FGD6: variants seen among roughly 807,000 people sequenced by gnomAD.
FGD6 encodes FYVE, RhoGEF and PH domain-containing protein 6.
Under a neutral mutation model 149.4 loss-of-function variants are expected in FGD6, and 90 were observed. The observed-to-expected ratio is 0.60, with a 90% CI of 0.51 to 0.72. The LOEUF is 0.72. Among genes scored for constraint, FGD6 ranks in the 30% least tolerant of loss-of-function variants. The probability of loss-of-function intolerance (pLI) is 0.00; values close to 1 mark genes in which losing one functional copy is unlikely to be tolerated. For missense variants in FGD6, 1,437 were observed against 1,684.8 expected, an observed-to-expected ratio of 0.85 and a Z score of 2.57; for synonymous variants, 527 against 584.0, an observed-to-expected ratio of 0.90 and a Z score of 1.41.
rs769541330 is a variant in FGD6 at position 95,108,429 on chromosome 12, G to C, written c.3193-10C>G. 8.7e-6 allele frequency: 14 copies of C among 1,613,898 alleles called. No individual in the cohort carries two copies. The highest frequency in any genetic ancestry group is 5.9e-6 in the Non-Finnish European group (7 of 1,179,982). On this transcript the variant is annotated splice_polypyrimidine_tract_variant and intron_variant, in intron 10 of 20. Transcript: ENST00000343958. ...GTTTCTGAAAGTTGTCCTACAGAAAGACAATGGAAAGCATATGAAGGCCTG... is the reference window on the plus strand; with the variant it reads ...GTTTCTGAAAGTTGTCCTACAGAAACACAATGGAAAGCATATGAAGGCCTG...
At chr12:95,105,875 T>C (rs1878602912) in intron 13 of FGD6, among the ~76,000 whole-genome samples, 1 of 151,924 alleles carries the variant, frequency 6.6e-6, no homozygotes, top group Non-Finnish European at 1.5e-5. Flanking sequence ...AATACAAAAA[T>C]TAGCTGAGCC....
At chr12:95,132,153 C>A (rs1056785029) in intron 8 of FGD6, among the ~76,000 whole-genome samples, 2 of 151,958 alleles carry the variant, frequency 1.3e-5, no homozygotes, top group Non-Finnish European at 2.9e-5. Context: ...AAACAAAATT[C>A]TTCTTCTTTT....
At chr12:95,201,712 T>C (rs1239807633) in intron 2 of FGD6, among the ~76,000 whole-genome samples, 1 of 152,158 alleles carries the variant, frequency 6.6e-6, no homozygotes, top group Non-Finnish European at 1.5e-5. Flanking sequence ...CTCTAGGACC[T>C]AGGTCAGAAA....
At chr12:95,184,262 T>C (rs1332636965) in intron 2 of FGD6, among the ~76,000 whole-genome samples, 2 of 152,164 alleles carry the variant, frequency 1.3e-5, no homozygotes, top group East Asian at 3.8e-4. Context: ...CAATCATATC[T>C]GGGATTTCCC....
chr12:95,111,615 C>G (rs74687215), intron 9 of FGD6, among the ~76,000 whole-genome samples: 5,053 of 152,208 alleles, frequency 0.033, 118 homozygotes, highest in Middle Eastern at 0.075. Flanking sequence ...CAAAGCTTCC[C>G]TGCCTCTTTA....
chr12:95,127,180 T>C (rs975450514), intron 8 of FGD6, among the ~76,000 whole-genome samples: 1 of 152,068 alleles, frequency 6.6e-6, no homozygotes, highest in African/African-American at 2.4e-5. Context: ...CTTTGATACA[T>C]ACAATTAACC....
At position 95,125,469 on chromosome 12, in the gene FGD6, C is replaced by CA. The variant is rs200005619; in HGVS notation, c.3082+9269dup. Reference sequence around the variant, plus strand: ...GCAACATAGTGAGATCCCATCTCTACAAAAAAAATAGAAAAAATTAGCCGG... The same window carrying CA: ...GCAACATAGTGAGATCCCATCTCTACAAAAAAAAATAGAAAAAATTAGCCGG... On this transcript the variant is annotated intron_variant, in intron 8 of 20. Transcript: ENST00000343958. 6.9e-4 allele frequency among the ~76,000 whole-genome samples: 105 copies of CA among 151,716 alleles called. 1 individual carries two copies. The highest frequency in any genetic ancestry group is 2.3e-3 in the African/African-American group (95 of 41,390).
At chr12:95,102,831 C>T (rs7298738) in intron 14 of FGD6, among the ~76,000 whole-genome samples, 111,363 of 152,098 alleles carry the variant, frequency 0.73, 40,971 homozygotes, top group African/African-American at 0.78. Context: ...CACAGCTCCA[C>T]TGCTTACTAC....
rs374098730 is a variant in FGD6, at chr12:95,185,902, G to A, written c.2442-13158C>T. Among the ~76,000 whole-genome samples, 4 of 152,024 alleles carry A rather than the reference G, an allele frequency of 2.6e-5. No homozygotes were observed. The East Asian group carries it at 7.7e-4, about 29-fold the overall frequency. On this transcript the variant is annotated intron_variant, in intron 2 of 20. Transcript: ENST00000343958. ...ATTGAGATAACATACCACCTGCAAT[G>A]AAGATTAAATGAGATAATGTGAATA...
At chr12:95,193,007 G>A (rs971716699) in intron 2 of FGD6, among the ~76,000 whole-genome samples, 3 of 151,612 alleles carry the variant, frequency 2.0e-5, no homozygotes, top group Admixed American at 6.6e-5. Flanking sequence ...ACTACCAAGT[G>A]CTGGTGAGGT....
intron 8 of FGD6, among the ~76,000 whole-genome samples, chr12:95,126,838 G>C (rs1203126686): frequency 6.6e-6 from 1 of 152,058 alleles, no homozygotes; most frequent in African/African-American, 2.4e-5. Context: ...TTTGGTGGGA[G>C]AATTGCTTGA....
intron 1 of FGD6, among the ~76,000 whole-genome samples, chr12:95,214,437 T>C (rs1681578697): frequency 6.6e-6 from 1 of 152,212 alleles, no homozygotes; most frequent in Non-Finnish European, 1.5e-5. Context: ...CATTATTTTT[T>C]TTTCATGGCT....
intron 5 of FGD6, among the ~76,000 whole-genome samples, chr12:95,149,690 A>C (rs1333124936): frequency 6.9e-6 from 1 of 145,046 alleles, no homozygotes; most frequent in Non-Finnish European, 1.5e-5. Context: ...CACCCTAACA[A>C]ATTTGTTGAG....
intron 20 of FGD6, among the ~76,000 whole-genome samples, chr12:95,083,026 T>C (rs1221845583): frequency 2.5e-5 from 2 of 78,844 alleles, no homozygotes; most frequent in South Asian, 4.4e-4. Flanking sequence ...TATATATATA[T>C]ATATACACAC....
intron 8 of FGD6, among the ~76,000 whole-genome samples, chr12:95,134,361 T>C (rs1383557615): frequency 6.6e-6 from 1 of 152,078 alleles, no homozygotes; most frequent in African/African-American, 2.4e-5. Context: ...GCTATATAAA[T>C]ATGTGGGAGT....
chr12:95,118,300 G>C (rs1879081802), intron 8 of FGD6, among the ~76,000 whole-genome samples: 1 of 149,244 alleles, frequency 6.7e-6, no homozygotes, highest in African/African-American at 2.5e-5. Flanking sequence ...AGTGAACCGA[G>C]ATTGTACCTC....
chr12:95,108,245 G>GAAGAGT (rs1320914503), intron 11 of FGD6, 103 bp downstream of exon 11: 3 of 970,748 alleles, frequency 3.1e-6, no homozygotes, highest in Non-Finnish European at 4.6e-6. Flanking sequence ...TTGAATCAAT[G>GAAGAGT]AAGAGTAACA....
chr12:95,148,068 G>T (rs945493503), intron 5 of FGD6, among the ~76,000 whole-genome samples: 1 of 152,022 alleles, frequency 6.6e-6, no homozygotes, highest in African/African-American at 2.4e-5. Context: ...ATTCAGTGAA[G>T]AACAGTTCTC....
intron 5 of FGD6, among the ~76,000 whole-genome samples, chr12:95,146,208 AAC>A (rs1349001877): frequency 3.9e-5 from 6 of 152,138 alleles, no homozygotes; most frequent in African/African-American, 1.2e-4. Flanking sequence ...CAGAATCTTT[AAC>A]TTCTCAGCTC....
Sources: gnomAD v4.1 joint callset for allele counts (sites outside exome capture counted in the v4.1 genomes callset) on GRCh38, gnomAD v4.1.1 for gene constraint, MANE v1.5 for transcripts, NCBI Gene and HGNC (gene_info 2026-07-23, HGNC 2026-07-21) for gene names.